Variants in ZFHX2 observed in about 807,000 individuals in gnomAD.
ZFHX2 encodes the protein zinc finger homeobox protein 2.
In ZFHX2, 75 loss-of-function variants were observed where a neutral mutation model predicts 164.8. The ratio of observed to expected loss-of-function variants is 0.46; its 90% CI spans 0.38 to 0.55. The LOEUF (loss-of-function observed/expected upper bound fraction) is 0.55. Among genes scored for constraint, ZFHX2 ranks in the 20% least tolerant of loss-of-function variants. The probability of loss-of-function intolerance (pLI) is 0.00; values close to 1 mark genes in which losing one functional copy is unlikely to be tolerated. For synonymous variants in ZFHX2, 1,217 were observed against 1,351.4 expected, an observed-to-expected ratio of 0.90 and a Z score of 2.18; for missense variants, 2,933 against 3,308.0, an observed-to-expected ratio of 0.89 and a Z score of 2.78.
upstream of ZFHX2, among the ~76,000 whole-genome samples, chr14:23,554,888 TC>T (rs2138970290): frequency 6.6e-6 from 1 of 152,278 alleles, no homozygotes; most frequent in Non-Finnish European, 1.5e-5. Context: ...AGTTAGAGTC[TC>T]CAGATAACCA....
In ZFHX2 at chr14:23,523,654, C is replaced by T; in HGVS notation, c.6288G>A (p.Glu2096=). The T allele has an allele frequency of 1.3e-6, 2 of 1,547,524 alleles. No individual in the cohort carries two copies. The highest frequency in any genetic ancestry group is 1.4e-5 in the African/African-American group (1 of 73,706). The stretch of plus-strand genomic sequence containing the variant: ...GCAGCCCAATCTCCTCTCCCAGCAC[C>T]TCACACTCCTGCATGGTGGGGGTGC... The part of the protein sequence containing the change: ...AYRTPTMQEC[E]VLGEEIGLPK... The change falls in exon 9 of 10, where the codon GAG becomes GAA. Residue 2096 remains glutamate (E), a synonymous_variant. Coordinates refer to ENST00000419474, the MANE Select transcript of ZFHX2 (RefSeq NM_033400.3). The surrounding 1 kb of genome is among the most constrained non-coding windows in gnomAD (Gnocchi z 4.1).
intron 1 of ZFHX2, chr14:23,548,562 G>A (rs1277536353): frequency 6.6e-6 from 1 of 152,204 alleles, no homozygotes; most frequent in Non-Finnish European, 1.5e-5. Flanking sequence ...GAGGTCTTTG[G>A]TTCTCAGGGG....
intron 1 of ZFHX2, among the ~76,000 whole-genome samples, chr14:23,537,303 C>A (rs998041683): frequency 6.6e-6 from 1 of 152,050 alleles, no homozygotes; most frequent in Non-Finnish European, 1.5e-5. Context: ...CTATACTTCC[C>A]CCAAGGTCCC....
rs1879247152 is a variant in ZFHX2 at position 23,529,489 on chromosome 14, C to T, written c.2934+221G>A. The T allele has an allele frequency of 9.0e-6, 5 of 555,844 alleles. No homozygotes were observed. The Admixed American group carries it at 1.6e-4, about 17-fold the overall frequency. 34.4% of individuals were successfully genotyped at this position (555,844 alleles called of 1,614,324 possible). On this transcript the variant is annotated intron_variant, in intron 6 of 9. Coordinates refer to ENST00000419474, the MANE Select transcript of ZFHX2 (RefSeq NM_033400.3). ...CATCTTTCCCTCAAGTTCCTGCTGTCTCCCTCCTATCATCTCCCTCTGTGC... is the reference window on the plus strand; with the variant it reads ...CATCTTTCCCTCAAGTTCCTGCTGTTTCCCTCCTATCATCTCCCTCTGTGC...
At position 23,522,816 on chromosome 14, in the gene ZFHX2, A is replaced by C. The variant is rs1253283111; in HGVS notation, c.6865T>G (p.Ser2289Ala). The C allele has an allele frequency of 2.6e-6, 4 of 1,535,416 alleles. No homozygotes were observed. The African/African-American group carries it at 5.5e-5, about 21-fold the overall frequency. Residue 2289 changes from serine to alanine, a missense_variant, in exon 10 of 10, where the codon TCC becomes GCC. Transcript: ENST00000419474. ...QRPMPDQTNT[S>A]TAGTTDPVPG... ...ACAGGGTCAGTGGTGCCTGCTGTGG[A>C]GGTGTTGGTTTGGTCGGGCATGGGT...
At chr14:23,548,590 C>A (rs1881631220) in intron 1 of ZFHX2, 1 of 152,176 alleles carries the variant, frequency 6.6e-6, no homozygotes, top group African/African-American at 2.4e-5. Context: ...GATTCAAGTT[C>A]CTCTCAGCTG....
intron 1 of ZFHX2, among the ~76,000 whole-genome samples, chr14:23,544,431 G>A (rs1881159075): frequency 6.6e-6 from 1 of 152,196 alleles, no homozygotes; most frequent in Admixed American, 6.5e-5. Context: ...TGGGGTATGT[G>A]TATGTTGTTT....
Position 23,534,973 on chromosome 14 carries a change from G to A in ZFHX2, c.353C>T (p.Ala118Val). 6.5e-7 allele frequency: 1 copy of A among 1,536,184 alleles called. No individual in the cohort carries two copies. The highest frequency in any genetic ancestry group is 8.7e-7 in the Non-Finnish European group (1 of 1,146,918). ...MDLSNHLFFT[A>V]GGEAYLVAKL... is the part of the protein sequence containing the mutation. Reference sequence around the variant, plus strand: ...GGCCACTAGGTAGGCCTCACCTCCAGCTGTGAAGAATAAGTGGTTGCTTAG... The same window carrying A: ...GGCCACTAGGTAGGCCTCACCTCCAACTGTGAAGAATAAGTGGTTGCTTAG... Residue 118 changes from alanine to valine, a missense_variant, in exon 2 of 10, where the codon GCT (alanine) becomes GTT (valine). Transcript: ENST00000419474. The surrounding 1 kb of genome is among the most constrained non-coding windows in gnomAD (Gnocchi z 4.5).
rs1878705693 is a variant in ZFHX2 at position 23,526,312 on chromosome 14, A to G, written c.3630T>C (p.Tyr1210=). ...TCTTGTGAAGGTGGGAGACAGAATT[A>G]TAATGAACCAACAGAATATTCTTCT... ...FTQKNILLVH[Y]NSVSHLHKMK... The change falls in exon 9 of 10, where the codon TAT becomes TAC. Residue 1210 remains tyrosine, a synonymous_variant. Coordinates refer to ENST00000419474, the MANE Select transcript of ZFHX2 (RefSeq NM_033400.3). The G allele has an allele frequency of 6.5e-7, 1 of 1,536,226 alleles. No homozygotes were observed. The highest frequency in any genetic ancestry group is 8.7e-7 in the Non-Finnish European group (1 of 1,146,936).
In ZFHX2 at chr14:23,525,970, G is replaced by T; in HGVS notation, c.3972C>A (p.Ser1324=). 1 of 1,507,878 alleles carries T rather than the reference G, an allele frequency of 6.6e-7. No homozygotes were observed. 93.4% of individuals were successfully genotyped at this position (1,507,878 alleles called of 1,614,324 possible). Residue 1324 remains serine, a synonymous_variant, in exon 9 of 10, where the codon TCC becomes TCA. Transcript: ENST00000419474. The surrounding 1 kb of genome is among the most constrained non-coding windows in gnomAD (Gnocchi z 5.9). Reference sequence around the variant, plus strand: ...GCAGGTCCAAGGGAGGTGGGGGAGGGGACAGGAAAGGCAATCCAGATATGA... The same window carrying T: ...GCAGGTCCAAGGGAGGTGGGGGAGGTGACAGGAAAGGCAATCCAGATATGA... ...SGFISGLPFL[S]PPPPPLDLHR... is the part of the protein sequence containing the mutation.
intron 6 of ZFHX2, 72 bp from the exon 7 acceptor site, chr14:23,527,876 A>C: frequency 1.3e-6 from 1 of 749,052 alleles, no homozygotes; most frequent in Non-Finnish European, 2.2e-6. Flanking sequence ...AGTCCTTTGG[A>C]TGCAGCACTG....
chr14:23,541,459 G>A (rs2138859163), intron 1 of ZFHX2, among the ~76,000 whole-genome samples: 1 of 151,590 alleles, frequency 6.6e-6, no homozygotes, highest in Non-Finnish European at 1.5e-5. Flanking sequence ...AGCTAATTTT[G>A]TATTTTTAGT....
In ZFHX2 at chr14:23,546,602, G is replaced by T. The variant is rs1180182434; in HGVS notation, c.-50+4741C>A. ...AGTTACTTCTAAATCTTTCACCCCT[G>T]CCTTGCCAGCCTGGGGAGGAGGGAT... On this transcript the variant is annotated intron_variant, in intron 1 of 9. Transcript: ENST00000419474. This position sits in a 1 kb window ranked among gnomAD's most constrained non-coding sequence, Gnocchi z 4.7. Among the ~76,000 whole-genome samples the T allele has an allele frequency of 6.6e-6, 1 of 152,128 alleles. No homozygotes were observed. Among genetic ancestry groups the T allele is most frequent in the Admixed American group, 6.5e-5 (1 of 15,280 alleles).
At position 23,546,506 on chromosome 14, in the gene ZFHX2, C is replaced by T. The variant is rs922506653; in HGVS notation, c.-50+4837G>A. ...ACCCCTTAACAACTGCACATGAGGA[C>T]CCTGGTCTCTGGACTAGTTCCTACA... On this transcript the variant is annotated intron_variant, in intron 1 of 9. Coordinates refer to ENST00000419474, the MANE Select transcript of ZFHX2 (RefSeq NM_033400.3). The surrounding 1 kb of genome is among the most constrained non-coding windows in gnomAD (Gnocchi z 4.7). Among the ~76,000 whole-genome samples, 1 of 152,110 alleles carries T rather than the reference C, an allele frequency of 6.6e-6. No homozygotes were observed. The highest frequency in any genetic ancestry group is 6.5e-5 in the Admixed American group (1 of 15,268).
At chr14:23,552,792 G>T (rs890028302), upstream of ZFHX2, among the ~76,000 whole-genome samples, 1 of 151,766 alleles carries the variant, frequency 6.6e-6, no homozygotes, top group African/African-American at 2.4e-5. Context: ...GTAGAGACGG[G>T]GGTTTCACCA....
chr14:23,541,688 G>T (rs7155903), intron 1 of ZFHX2, among the ~76,000 whole-genome samples: 54,171 of 151,922 alleles, frequency 0.36, 10,866 homozygotes, highest in African/African-American at 0.54. Flanking sequence ...AGTAGAAATT[G>T]TGCCCAGGCT....
intron 7 of ZFHX2, 82 bp downstream of exon 7, chr14:23,527,522 C>G: frequency 6.7e-7 from 1 of 1,502,854 alleles, no homozygotes; most frequent in Non-Finnish European, 8.9e-7. Flanking sequence ...ATGCACCTGC[C>G]TGAATACCCC....
In ZFHX2 at chr14:23,535,427, G is replaced by A. The variant is rs1880031762; in HGVS notation, c.-49-53C>T. ...CTGTGAGGCTGCAGGGACCCCAGCT[G>A]GGCAGCTGGATCTCTGGATACTCCT... On this transcript the variant is annotated intron_variant, in intron 1 of 9. Coordinates refer to ENST00000419474, the MANE Select transcript of ZFHX2 (RefSeq NM_033400.3). The surrounding 1 kb of genome is among the most constrained non-coding windows in gnomAD (Gnocchi z 4.5). The A allele has an allele frequency of 2.2e-6, 3 of 1,370,970 alleles. No homozygotes were observed. Among genetic ancestry groups the A allele is most frequent in the Non-Finnish European group, 2.8e-6 (3 of 1,056,780 alleles). 84.9% of individuals were successfully genotyped at this position (1,370,970 alleles called of 1,614,324 possible). A position where few individuals can be genotyped will look rare whatever the true frequency, so the allele number is the denominator to read the frequency against.
At chr14:23,531,410 C>T (rs1052325023) in intron 4 of ZFHX2, 71 bp downstream of exon 4, 2 of 1,337,290 alleles carry the variant, frequency 1.5e-6, no homozygotes, top group Admixed American at 6.6e-5. Context: ...TCTAACTCCG[C>T]AGCCCCCCTG....
Sources: allele counts gnomAD v4.1 joint callset (sites outside exome capture counted in the v4.1 genomes callset), GRCh38; gene constraint gnomAD v4.1.1; non-coding constraint Gnocchi (gnomAD v3.1); transcripts MANE v1.5; gene names NCBI Gene and HGNC (gene_info 2026-07-23, HGNC 2026-07-21).